UBE2G1: variants seen among roughly 807,000 people sequenced by gnomAD.
UBE2G1 encodes the protein ubiquitin-conjugating enzyme E2 G1.
In UBE2G1, 5 loss-of-function variants were observed where a neutral mutation model predicts 22.7. That is an observed-to-expected ratio of 0.22 (90% CI 0.12 to 0.46). The LOEUF is 0.46. Among genes scored for constraint, UBE2G1 ranks in the 20% least tolerant of loss-of-function variants. UBE2G1 has a pLI of 0.99. For missense variants in UBE2G1, 88 were observed against 203.9 expected, an observed-to-expected ratio of 0.43 and a Z score of 3.46; for synonymous variants, 74 against 67.5, an observed-to-expected ratio of 1.10 and a Z score of -0.47.
At chr17:4,274,342 C>T (rs112556530) in intron 5 of UBE2G1, among the ~76,000 whole-genome samples, 150 of 152,094 alleles carry the variant, frequency 9.9e-4, no homozygotes, top group Admixed American at 1.6e-3. Flanking sequence ...GGAATACAGG[C>T]GCCTGCCACC....
At chr17:4,292,823 CA>C (rs1256392761) in intron 3 of UBE2G1, among the ~76,000 whole-genome samples, 1 of 152,190 alleles carries the variant, frequency 6.6e-6, no homozygotes, top group Non-Finnish European at 1.5e-5. Context: ...CATCCTGATA[CA>C]GTAACTTCCA....
intron 1 of UBE2G1, among the ~76,000 whole-genome samples, chr17:4,309,205 G>A (rs1337495611): frequency 6.6e-6 from 1 of 152,228 alleles, no homozygotes; most frequent in Non-Finnish European, 1.5e-5. Flanking sequence ...GCTGCAGTGA[G>A]CCAAGACCAT....
chr17:4,335,406 C>T (rs1276156907), intron 1 of UBE2G1: 1 of 152,186 alleles, frequency 6.6e-6, no homozygotes, highest in Admixed American at 6.6e-5. Context: ...GGAATAGTGT[C>T]TGCTGGGTAT....
At chr17:4,316,808 TAGAG>T (rs1484363338) in intron 1 of UBE2G1, among the ~76,000 whole-genome samples, 4 of 151,292 alleles carry the variant, frequency 2.6e-5, no homozygotes, top group African/African-American at 4.9e-5. Context: ...AACAGCAACA[TAGAG>T]AGACCCAGTC....
intron 2 of UBE2G1, among the ~76,000 whole-genome samples, chr17:4,300,371 C>T (rs1301806546): frequency 1.3e-5 from 2 of 151,136 alleles, no homozygotes; most frequent in African/African-American, 4.9e-5. Flanking sequence ...GGTGAAACGC[C>T]GTCTCTACTA....
chr17:4,341,899 A>G (rs1255960150), intron 1 of UBE2G1, among the ~76,000 whole-genome samples: 1 of 152,104 alleles, frequency 6.6e-6, no homozygotes, highest in East Asian at 1.9e-4. Context: ...GCCTCCTCTG[A>G]CACCTCACTG....
rs559237170 is a variant in UBE2G1, at chr17:4,278,659, T to C, written c.*37+4139A>G. 7.9e-5 allele frequency among the ~76,000 whole-genome samples: 12 copies of C among 152,340 alleles called. No individual in the cohort carries two copies. In the South Asian group the frequency reaches 2.5e-3, roughly 32 times the overall value. ...ATATTTAATTCAATTTTTAAATGAT[T>C]ACACTTTTAGTTCAACTAATGATTG... On this transcript the variant is annotated intron_variant, in intron 5 of 5. Coordinates refer to ENST00000396981, the MANE Select transcript of UBE2G1 (RefSeq NM_003342.5).
At chr17:4,315,861 C>T (rs1969363678) in intron 1 of UBE2G1, among the ~76,000 whole-genome samples, 1 of 137,432 alleles carries the variant, frequency 7.3e-6, no homozygotes, top group South Asian at 2.3e-4. Context: ...GGCTGGAGTG[C>T]AGTGGCGCGA....
chr17:4,340,848 C>A (rs1969703082), intron 1 of UBE2G1, among the ~76,000 whole-genome samples: 1 of 149,194 alleles, frequency 6.7e-6, no homozygotes, highest in Non-Finnish European at 1.5e-5. Context: ...TCTCAAGTGA[C>A]CCTCCCATTT....
At chr17:4,317,947 T>C (rs1023206807) in intron 1 of UBE2G1, among the ~76,000 whole-genome samples, 2 of 152,244 alleles carry the variant, frequency 1.3e-5, no homozygotes, top group African/African-American at 2.4e-5. Flanking sequence ...GCCTATTTTA[T>C]AGAAATAAAT....
At chr17:4,362,603 C>T (rs912530659) in intron 1 of UBE2G1, among the ~76,000 whole-genome samples, 3 of 152,098 alleles carry the variant, frequency 2.0e-5, no homozygotes, top group Admixed American at 6.6e-5. Flanking sequence ...AAAACATACC[C>T]GATATATTCT....
intron 1 of UBE2G1, among the ~76,000 whole-genome samples, chr17:4,345,011 G>C (rs1567528500): frequency 6.6e-6 from 1 of 152,040 alleles, no homozygotes; most frequent in African/African-American, 2.4e-5. Context: ...ATTACAAACA[G>C]AATTACTGAA....
At chr17:4,324,762 T>C (rs1969482021) in intron 1 of UBE2G1, among the ~76,000 whole-genome samples, 1 of 152,112 alleles carries the variant, frequency 6.6e-6, no homozygotes, top group Non-Finnish European at 1.5e-5. Context: ...ATCCACAATG[T>C]TGAATAGGAT....
chr17:4,299,849 T>A (rs1289839184), intron 2 of UBE2G1, among the ~76,000 whole-genome samples: 1 of 143,668 alleles, frequency 7.0e-6, no homozygotes, highest in Non-Finnish European at 1.5e-5. Flanking sequence ...TTTTTGGAGA[T>A]GGAGTCTTGC....
intron 1 of UBE2G1, among the ~76,000 whole-genome samples, chr17:4,329,565 A>G (rs1969545551): frequency 6.6e-6 from 1 of 152,060 alleles, no homozygotes; most frequent in Non-Finnish European, 1.5e-5. Context: ...AAAAAAAAAA[A>G]GAGACTGAGA....
At chr17:4,301,876 T>A (rs569834009) in intron 2 of UBE2G1, 1 of 499,494 alleles carries the variant, frequency 2.0e-6, no homozygotes, top group South Asian at 1.6e-5. Context: ...GTTGGCTGTA[T>A]TCTAAGATTG....
chr17:4,360,345 G>C (rs1597269074), intron 1 of UBE2G1, among the ~76,000 whole-genome samples: 1 of 152,078 alleles, frequency 6.6e-6, no homozygotes, highest in African/African-American at 2.4e-5. Context: ...CTTGCTTAAA[G>C]CAAAGGAATG....
chr17:4,339,492 CG>C (rs1567527183), intron 1 of UBE2G1, among the ~76,000 whole-genome samples: 1 of 152,010 alleles, frequency 6.6e-6, no homozygotes, highest in Non-Finnish European at 1.5e-5. Flanking sequence ...TTAGTAGAGA[CG>C]GGGTTTCAGC....
Position 4,366,532 on chromosome 17 carries a change from G to A in UBE2G1, c.-216C>T, listed in dbSNP as rs1284915208. 2.3e-6 allele frequency: 1 copy of A among 433,302 alleles called. No individual in the cohort carries two copies. The highest frequency in any genetic ancestry group is 4.0e-6 in the Non-Finnish European group (1 of 249,716). 26.8% of individuals were successfully genotyped at this position (433,302 alleles called of 1,614,324 possible). On this transcript the variant is annotated 5_prime_UTR_variant, in exon 1 of 6. Coordinates refer to ENST00000396981, the MANE Select transcript of UBE2G1 (RefSeq NM_003342.5). ...TTCACAGCGACTCACGCCCGGAAGGGGAGGGTGCCCGGGCTGCCGCGGCGC... is the reference window on the plus strand; with the variant it reads ...TTCACAGCGACTCACGCCCGGAAGGAGAGGGTGCCCGGGCTGCCGCGGCGC...
Sources: gnomAD v4.1 joint callset for allele counts (sites outside exome capture counted in the v4.1 genomes callset) on GRCh38, gnomAD v4.1.1 for gene constraint, MANE v1.5 for transcripts, NCBI Gene and HGNC (gene_info 2026-07-23, HGNC 2026-07-21) for gene names.